WDFY4: variants seen among roughly 807,000 people sequenced by gnomAD.
WDFY4 encodes WDFY family member 4.
In WDFY4, 169 loss-of-function variants were observed where a neutral mutation model predicts 351.9. The observed-to-expected ratio is 0.48, with a 90% CI of 0.42 to 0.55. The LOEUF (loss-of-function observed/expected upper bound fraction) is 0.55, where lower values mean the gene tolerates loss of function less well. Ranked by LOEUF, WDFY4 falls within the 20% of genes least tolerant of loss-of-function variation. WDFY4 has a pLI of 0.00. For missense variants in WDFY4, 3,803 were observed against 3,935.6 expected (o/e 0.97, Z 0.90); for synonymous variants, 1,622 against 1,574.6 (o/e 1.03, Z -0.71).
intron 31 of WDFY4, among the ~76,000 whole-genome samples, chr10:48,814,425 G>C (rs2067554518): frequency 6.6e-6 from 1 of 152,220 alleles, no homozygotes. Flanking sequence ...TCGCTCATGA[G>C]TGACCTGGGG....
chr10:48,774,584 C>T lies in WDFY4; in HGVS notation c.2680C>T (p.Leu894=), dbSNP rs1000451968. 1.3e-6 allele frequency: 2 copies of T among 1,551,556 alleles called. No homozygotes were observed. Among genetic ancestry groups the T allele is most frequent in the Admixed American group, 2.0e-5 (1 of 50,980 alleles). The change falls in exon 14 of 62, where the codon CTG becomes TTG. Residue 894 remains leucine, a synonymous_variant. Transcript: ENST00000325239. The part of the protein sequence containing the change: ...GTLMASCHRA[L]VTSGSPLHSR... Reference sequence around the variant, plus strand: ...CCTCATGGCCTCCTGCCACAGGGCCCTGGTCACCAGTGGCAGCCCCCTCCA... The same window carrying T: ...CCTCATGGCCTCCTGCCACAGGGCCTTGGTCACCAGTGGCAGCCCCCTCCA...
intron 3 of WDFY4, 92 bp downstream of exon 3, chr10:48,720,217 C>T (rs1274623308): frequency 8.5e-6 from 11 of 1,294,772 alleles, no homozygotes; most frequent in African/African-American, 1.5e-5. Flanking sequence ...TCTGCTTTCG[C>T]GTGGAGCTAC....
chr10:48,855,833 A>G (rs1185852928), intron 39 of WDFY4, among the ~76,000 whole-genome samples: 1 of 152,094 alleles, frequency 6.6e-6, no homozygotes, highest in African/African-American at 2.4e-5. Flanking sequence ...TAAGTTTTAT[A>G]ACTTTTGTTA....
chr10:48,868,194 A>G (rs751277044), intron 40 of WDFY4, among the ~76,000 whole-genome samples: 29 of 152,186 alleles, frequency 1.9e-4, no homozygotes, highest in Non-Finnish European at 3.5e-4. Context: ...AAAGCCCACA[A>G]CATGCCCCTG....
intron 48 of WDFY4, 133 bp downstream of exon 48, chr10:48,941,981 T>C: frequency 1.1e-6 from 1 of 919,854 alleles, no homozygotes; most frequent in Non-Finnish European, 1.6e-6. Context: ...ATTATTTCTT[T>C]GAGATGGAGT....
At chr10:48,697,817 G>C (rs1008930216) in intron 1 of WDFY4, among the ~76,000 whole-genome samples, 9 of 152,172 alleles carry the variant, frequency 5.9e-5, no homozygotes, top group Admixed American at 5.9e-4. Context: ...CAGAATGCCA[G>C]GTCTAACCAT....
chr10:48,733,011 T>A (rs189541397), intron 9 of WDFY4, among the ~76,000 whole-genome samples: 1 of 152,364 alleles, frequency 6.6e-6, no homozygotes, highest in East Asian at 1.9e-4. Context: ...TTAAATCCCA[T>A]CTTGAATGAA....
chr10:48,978,416 G>A lies in WDFY4; in HGVS notation c.9376+23G>A, dbSNP rs139746306. On this transcript the variant is annotated intron_variant, in intron 60 of 61. Coordinates refer to ENST00000325239, the MANE Select transcript of WDFY4 (RefSeq NM_001394531.1). ...GAGGTACCTGACCTGCTAGGGATGT[G>A]GCCGTCCTGGCCTTGCCCTGCCCTC... 317 of 1,539,060 alleles carry A rather than the reference G, an allele frequency of 2.1e-4. 1 individual carries two copies. In the African/African-American group the frequency reaches 3.1e-3, roughly 15 times the overall value.
intron 14 of WDFY4, 72 bp from the exon 15 acceptor site, chr10:48,775,640 G>A (rs2066006973): frequency 7.0e-7 from 1 of 1,419,124 alleles, no homozygotes; most frequent in Admixed American, 2.0e-5. Context: ...TAGGACAGTT[G>A]TCAGGATAAA....
At chr10:48,858,957 C>G (rs991179417) in intron 39 of WDFY4, among the ~76,000 whole-genome samples, 4 of 152,064 alleles carry the variant, frequency 2.6e-5, no homozygotes, top group Admixed American at 6.5e-5. Flanking sequence ...TCATTATTTT[C>G]AAGAAATTGA....
At chr10:48,884,379 T>A (rs2070372763) in intron 43 of WDFY4, 2 of 152,200 alleles carry the variant, frequency 1.3e-5, no homozygotes, top group African/African-American at 2.4e-5. Flanking sequence ...TACTTAATAT[T>A]TCTGAGACGC....
chr10:48,793,518 T>C (rs2066750686), intron 23 of WDFY4, among the ~76,000 whole-genome samples: 1 of 152,218 alleles, frequency 6.6e-6, no homozygotes, highest in Non-Finnish European at 1.5e-5. Flanking sequence ...TTGTCCACTC[T>C]TTATAAAATG....
chr10:48,806,206 AGCCAAGCCGTGGTTTCCAAGCCGT>A, intron 27 of WDFY4, 111 bp downstream of exon 27: 1 of 1,076,488 alleles, frequency 9.3e-7, no homozygotes, highest in South Asian at 1.4e-5. Flanking sequence ...AGGCACCCAC[AGCCAAGCCGTGGTTTCCAAGCCGT>A]GGCCTGTGAG....
At chr10:48,709,654 C>T in intron 1 of WDFY4, 62 bp from the exon 2 acceptor site, 1 of 1,435,790 alleles carries the variant, frequency 7.0e-7, no homozygotes, top group Non-Finnish European at 9.5e-7. Context: ...ACCTTATCCA[C>T]AGCCAGAATC....
intron 39 of WDFY4, among the ~76,000 whole-genome samples, chr10:48,866,641 T>C (rs1354553110): frequency 6.6e-6 from 1 of 152,232 alleles, no homozygotes; most frequent in Non-Finnish European, 1.5e-5. Context: ...GGTAGCTCTC[T>C]GCTGTCTTAG....
At chr10:48,756,790 T>A (rs1233943383) in intron 12 of WDFY4, among the ~76,000 whole-genome samples, 1 of 152,118 alleles carries the variant, frequency 6.6e-6, no homozygotes, top group Non-Finnish European at 1.5e-5. Flanking sequence ...TTACGGGTAG[T>A]CCAATTGGCC....
intron 1 of WDFY4, among the ~76,000 whole-genome samples, chr10:48,704,374 G>A (rs764194098): frequency 4.6e-5 from 7 of 152,150 alleles, no homozygotes; most frequent in South Asian, 2.1e-4. Context: ...GGCTGGTCAG[G>A]GATGTGGAGG....
chr10:48,865,351 A>G (rs747767762), intron 39 of WDFY4, among the ~76,000 whole-genome samples: 8 of 152,118 alleles, frequency 5.3e-5, no homozygotes, highest in Non-Finnish European at 1.0e-4. Flanking sequence ...TATTTATTCT[A>G]TTATGTGGTG....
At chr10:48,864,039 A>T (rs1026171460) in intron 39 of WDFY4, among the ~76,000 whole-genome samples, 2 of 152,152 alleles carry the variant, frequency 1.3e-5, no homozygotes, top group African/African-American at 4.8e-5. Flanking sequence ...CGTGGAAATG[A>T]TGGGGATTTG....
Sources: gnomAD v4.1 joint callset for allele counts (sites outside exome capture counted in the v4.1 genomes callset) on GRCh38, gnomAD v4.1.1 for gene constraint, MANE v1.5 for transcripts, NCBI Gene and HGNC (gene_info 2026-07-23, HGNC 2026-07-21) for gene names.